Variants in PCDH15 observed in about 807,000 individuals in gnomAD.
PCDH15 encodes protocadherin-15.
PCDH15 carries 129 observed loss-of-function variants against 178.5 expected under a neutral mutation model. That is an observed-to-expected ratio of 0.72 (90% CI 0.63 to 0.84). The LOEUF (loss-of-function observed/expected upper bound fraction) is 0.84. Ranked by LOEUF, PCDH15 falls within the 40% of genes least tolerant of loss-of-function variation. The pLI, the probability that PCDH15 is intolerant of heterozygous loss-of-function variation, is 0.00. For missense variants in PCDH15, 2,230 were observed against 2,099.9 expected, an observed-to-expected ratio of 1.06 and a Z score of -1.21; for synonymous variants, 800 against 732.0, an observed-to-expected ratio of 1.09 and a Z score of -1.50.
chr10:54,795,440 C>A (rs758332959), intron 1 of PCDH15, among the ~76,000 whole-genome samples: 63 of 151,814 alleles, frequency 4.1e-4, no homozygotes, highest in Non-Finnish European at 8.0e-4. Context: ...TACCACCATT[C>A]TCTGCAAAGC....
At chr10:55,246,239 G>A (rs1841674780) in intron 1 of PCDH15, among the ~76,000 whole-genome samples, 1 of 152,136 alleles carries the variant, frequency 6.6e-6, no homozygotes, top group Non-Finnish European at 1.5e-5. Flanking sequence ...TTTTTTGCAT[G>A]TAGTTTCTTT....
chr10:55,009,027 A>G (rs994343664), intron 2 of PCDH15, among the ~76,000 whole-genome samples: 4 of 152,196 alleles, frequency 2.6e-5, no homozygotes, highest in African/African-American at 9.7e-5. Flanking sequence ...CCAGATGTCA[A>G]AATAATTCTG....
At chr10:54,860,432 T>C (rs544785463) in intron 3 of PCDH15, among the ~76,000 whole-genome samples, 1 of 152,298 alleles carries the variant, frequency 6.6e-6, no homozygotes, top group East Asian at 1.9e-4. Context: ...TTCGTTAGCT[T>C]ATGACAATGG....
chr10:53,903,684 A>G (rs1020154763), intron 25 of PCDH15, among the ~76,000 whole-genome samples: 2 of 152,200 alleles, frequency 1.3e-5, no homozygotes, highest in African/African-American at 4.8e-5. Context: ...GTTCACAAAC[A>G]CTTCACACAC....
chr10:55,271,170 C>T (rs1842434868), intron 1 of PCDH15, among the ~76,000 whole-genome samples: 1 of 152,002 alleles, frequency 6.6e-6, no homozygotes, highest in Non-Finnish European at 1.5e-5. Flanking sequence ...GGGTGAAAAA[C>T]TTCCTGTTGG....
At chr10:54,100,433 G>A (rs1256564545) in intron 15 of PCDH15, among the ~76,000 whole-genome samples, 1 of 151,898 alleles carries the variant, frequency 6.6e-6, no homozygotes, top group Non-Finnish European at 1.5e-5. Context: ...GGAGTGAAAA[G>A]AAATAGGAAT....
intron 2 of PCDH15, among the ~76,000 whole-genome samples, chr10:54,964,804 C>T (rs1435984566): frequency 3.3e-5 from 5 of 152,112 alleles, no homozygotes; most frequent in Admixed American, 6.5e-5. Flanking sequence ...CTTTTAATTA[C>T]AATTCCCCTG....
At chr10:54,805,669 T>A (rs1952767901), upstream of PCDH15, among the ~76,000 whole-genome samples, 1 of 152,226 alleles carries the variant, frequency 6.6e-6, no homozygotes, top group Non-Finnish European at 1.5e-5. Flanking sequence ...TAAGGAACAG[T>A]ATAATCTTTA....
intron 8 of PCDH15, among the ~76,000 whole-genome samples, chr10:54,248,224 A>T (rs2056175298): frequency 6.6e-6 from 1 of 151,882 alleles, no homozygotes; most frequent in Non-Finnish European, 1.5e-5. Flanking sequence ...GGAAGTAAAA[A>T]GGGATTATCT....
chr10:54,533,227 T>G (rs1184111082), intron 2 of PCDH15, among the ~76,000 whole-genome samples: 1 of 152,212 alleles, frequency 6.6e-6, no homozygotes, highest in Non-Finnish European at 1.5e-5. Context: ...TAAAATTGGT[T>G]TCATTTTATG....
intron 9 of PCDH15, among the ~76,000 whole-genome samples, chr10:54,228,386 C>T (rs887093017): frequency 3.3e-5 from 5 of 152,090 alleles, no homozygotes; most frequent in African/African-American, 1.2e-4. Context: ...TATTCACTAT[C>T]ACAATAACAA....
intron 2 of PCDH15, among the ~76,000 whole-genome samples, chr10:55,162,049 A>G (rs982165584): frequency 1.3e-5 from 2 of 152,154 alleles, no homozygotes; most frequent in African/African-American, 4.8e-5. Context: ...TATCTGAGTG[A>G]TGTGGATAAT....
At chr10:54,370,472 G>C (rs377355020) in intron 4 of PCDH15, among the ~76,000 whole-genome samples, 1 of 151,938 alleles carries the variant, frequency 6.6e-6, no homozygotes. Context: ...TGTTATTTTA[G>C]TCATGATAGT....
intron 3 of PCDH15, among the ~76,000 whole-genome samples, chr10:54,436,052 A>G (rs2384468): frequency 3.5e-5 from 5 of 142,286 alleles, no homozygotes; most frequent in Admixed American, 1.4e-4. Flanking sequence ...GAGAGAGAGA[A>G]AAGAAAGAAA....
In PCDH15 at chr10:55,052,537, C is replaced by CAAAAAAAAAAAAAAAAAA. The variant is rs71014444; in HGVS notation, c.-80+114021_-80+114038dup. ...AACATGGCGAAAACCCCGTCTCATACAAAAAAAAAAAAAAAAAAAAAAAAA... is the reference window on the plus strand; with the variant it reads ...AACATGGCGAAAACCCCGTCTCATACAAAAAAAAAAAAAAAAAAAAAAAAAAAAAAAAAAAAAAAAAAA... On this transcript the variant is annotated intron_variant, in intron 2 of 5. Coordinates refer to the PCDH15 transcript ENST00000458638. Among the ~76,000 whole-genome samples, 8 of 39,362 alleles carry CAAAAAAAAAAAAAAAAAA rather than the reference C, an allele frequency of 2.0e-4. 4 individuals are homozygous for CAAAAAAAAAAAAAAAAAA. Among genetic ancestry groups the CAAAAAAAAAAAAAAAAAA allele is most frequent in the African/African-American group, 7.0e-4 (8 of 11,390 alleles). 25.8% of individuals were successfully genotyped at this position (39,362 alleles called of 152,430 possible).
At chr10:54,531,912 A>C (rs74136207) in intron 2 of PCDH15, among the ~76,000 whole-genome samples, 14,822 of 152,168 alleles carry the variant, frequency 0.097, 1,051 homozygotes, top group East Asian at 0.36. Context: ...AGTGAATGGC[A>C]TAATTCTGCA....
At chr10:54,061,775 A>C (rs992563720) in intron 18 of PCDH15, among the ~76,000 whole-genome samples, 9 of 151,558 alleles carry the variant, frequency 5.9e-5, no homozygotes, top group African/African-American at 2.2e-4. Context: ...ACAAGGTATA[A>C]TATGATACCT....
chr10:54,090,854 T>A (rs956131747), intron 15 of PCDH15, among the ~76,000 whole-genome samples: 1 of 152,170 alleles, frequency 6.6e-6, no homozygotes, highest in Non-Finnish European at 1.5e-5. Flanking sequence ...TGTATCCATT[T>A]CTAAAACGAG....
intron 3 of PCDH15, among the ~76,000 whole-genome samples, chr10:54,832,578 T>G (rs974661375): frequency 6.6e-6 from 1 of 152,192 alleles, no homozygotes; most frequent in Non-Finnish European, 1.5e-5. Flanking sequence ...AGTCCTAATC[T>G]GGCCAGTACA....
Sources: allele counts gnomAD v4.1 joint callset (sites outside exome capture counted in the v4.1 genomes callset), GRCh38; gene constraint gnomAD v4.1.1; transcripts MANE v1.5; gene names NCBI Gene and HGNC (gene_info 2026-07-23, HGNC 2026-07-21).